The following R3HDM2 variants were observed in gnomAD, a reference collection of about 807,000 sequenced individuals.
R3HDM2 encodes R3H domain containing 2, also known as R3H domain-containing protein 2.
R3HDM2 carries 38 observed loss-of-function variants against 124.5 expected under a neutral mutation model. That is an observed-to-expected ratio of 0.31 (90% CI 0.24 to 0.40). R3HDM2 has a LOEUF of 0.40. R3HDM2 is among the 10% of genes least tolerant of loss of function. The probability of loss-of-function intolerance (pLI) is 1.00; values close to 1 mark genes in which losing one functional copy is unlikely to be tolerated. For synonymous variants in R3HDM2, 391 were observed against 448.0 expected (o/e 0.87, Z 1.61); for missense variants, 869 against 1,236.9 (o/e 0.70, Z 4.46).
intron 19 of R3HDM2, among the ~76,000 whole-genome samples, chr12:57,263,277 G>A (rs952871866): frequency 2.0e-5 from 3 of 152,080 alleles, no homozygotes; most frequent in Non-Finnish European, 4.4e-5. Flanking sequence ...AAAATGCCCC[G>A]CAGTACCCAG....
chr12:57,422,498 C>T (rs2070312154), intron 1 of R3HDM2, among the ~76,000 whole-genome samples: 1 of 152,158 alleles, frequency 6.6e-6, no homozygotes, highest in Admixed American at 6.6e-5. Context: ...AACTTTCTTC[C>T]CCATACTTCA....
chr12:57,270,081 C>T (rs2043249139), intron 14 of R3HDM2, 87 bp from the exon 15 acceptor site: 3 of 1,482,144 alleles, frequency 2.0e-6, no homozygotes, highest in African/African-American at 1.4e-5. Context: ...AATAGCAATG[C>T]TTTTTACAAC....
chr12:57,375,951 C>A (rs915540726), intron 2 of R3HDM2, among the ~76,000 whole-genome samples: 1 of 152,050 alleles, frequency 6.6e-6, no homozygotes, highest in Admixed American at 6.6e-5. Context: ...GGATTACAGG[C>A]GTGAGCCACC....
intron 13 of R3HDM2, among the ~76,000 whole-genome samples, chr12:57,282,064 C>T (rs1469221265): frequency 1.3e-5 from 2 of 151,926 alleles, no homozygotes. Context: ...AATCCCAGCA[C>T]TTTGGGAGGC....
intron 3 of R3HDM2, chr12:57,304,465 C>A (rs570767240): frequency 2.1e-6 from 2 of 966,624 alleles, no homozygotes; most frequent in South Asian, 9.6e-5. Context: ...AAGTCAGAGA[C>A]AGAGTACCAG....
chr12:57,427,355 CTT>C (rs147527242), intron 1 of R3HDM2, among the ~76,000 whole-genome samples: 53 of 140,052 alleles, frequency 3.8e-4, no homozygotes, highest in Admixed American at 2.9e-4. Context: ...TCTCCTGAAG[CTT>C]TTTTTTTTTT....
intron 1 of R3HDM2, chr12:57,430,466 G>A (rs1869543864): frequency 1.1e-6 from 1 of 947,790 alleles, no homozygotes; most frequent in South Asian, 4.9e-5. Context: ...CCCCGCAAAG[G>A]CCACAGGTGG....
chr12:57,256,385 G>T, intron 22 of R3HDM2, 29 bp downstream of exon 22: 1 of 1,489,598 alleles, frequency 6.7e-7, no homozygotes, highest in Non-Finnish European at 9.1e-7. Flanking sequence ...GGGTCTGATG[G>T]CCCTACAGTT....
intron 6 of R3HDM2, 92 bp from the exon 7 acceptor site, chr12:57,298,260 A>G (rs2050324455): frequency 1.0e-6 from 1 of 1,002,764 alleles, no homozygotes; most frequent in African/African-American, 1.7e-5. Flanking sequence ...TAACCAGGAG[A>G]AAAAAGAATA....
intron 2 of R3HDM2, among the ~76,000 whole-genome samples, chr12:57,333,496 C>T (rs533848653): frequency 6.6e-6 from 1 of 152,006 alleles, no homozygotes; most frequent in East Asian, 1.9e-4. Context: ...TTGAGACCAG[C>T]CTGGCCAACA....
chr12:57,391,769 A>T (rs2066717172), intron 2 of R3HDM2, among the ~76,000 whole-genome samples: 1 of 152,236 alleles, frequency 6.6e-6, no homozygotes. Flanking sequence ...CACAATGAAA[A>T]GTTAAAATAA....
intron 2 of R3HDM2, among the ~76,000 whole-genome samples, chr12:57,379,830 A>ATT (rs983390522): frequency 3.3e-4 from 50 of 152,202 alleles, no homozygotes; most frequent in Non-Finnish European, 5.6e-4. Flanking sequence ...CAGAAAATAA[A>ATT]TTATATATAT....
intron 1 of R3HDM2, among the ~76,000 whole-genome samples, chr12:57,420,862 A>C (rs1173622593): frequency 6.6e-6 from 1 of 152,096 alleles, no homozygotes; most frequent in Non-Finnish European, 1.5e-5. Context: ...ATCTCTCTCC[A>C]GTCCCAACTT....
At chr12:57,379,239 A>G (rs895980290) in intron 2 of R3HDM2, among the ~76,000 whole-genome samples, 2 of 152,188 alleles carry the variant, frequency 1.3e-5, no homozygotes, top group South Asian at 2.1e-4. Flanking sequence ...ATTTTATGTT[A>G]TGGTTAAGAT....
At chr12:57,410,891 T>C (rs1030878899) in intron 1 of R3HDM2, among the ~76,000 whole-genome samples, 1 of 152,070 alleles carries the variant, frequency 6.6e-6, no homozygotes, top group Non-Finnish European at 1.5e-5. Context: ...AAAGTATAAT[T>C]TGGAGAGACA....
At chr12:57,328,175 G>A (rs536964506) in intron 2 of R3HDM2, among the ~76,000 whole-genome samples, 97 of 151,572 alleles carry the variant, frequency 6.4e-4, no homozygotes, top group Non-Finnish European at 1.3e-3. Context: ...AGGCTCAGGC[G>A]ATCCTCCCGC....
At position 57,295,486 on chromosome 12, in the gene R3HDM2, T is replaced by C; in HGVS notation, c.723A>G (p.Glu241=). 1 of 1,551,428 alleles carries C rather than the reference T, an allele frequency of 6.4e-7. No individual in the cohort carries two copies. The highest frequency in any genetic ancestry group is 8.7e-7 in the Non-Finnish European group (1 of 1,146,726). The stretch of plus-strand genomic sequence containing the variant: ...CTGTATTCTTCTCATCCTTTATATG[T>C]TCTGAGAACCTCTGTTCAGGGCTGA... The part of the protein sequence containing the change: ...NTRIPEQRFS[E]HIKDEKNTEF... The change falls in exon 10 of 24, where the codon GAA becomes GAG. Residue 241 remains glutamate (E), a synonymous_variant. Coordinates refer to ENST00000402412, the MANE Select transcript of R3HDM2 (RefSeq NM_001394031.1).
chr12:57,258,921 C>T lies in R3HDM2; in HGVS notation c.2270G>A (p.Gly757Glu). Residue 757 changes from glycine (G) to glutamate (E), a missense_variant, in exon 20 of 24, where the codon GGA becomes GAA. Around this residue, in one of 2 missense-constraint regions of R3HDM2, gnomAD observed 602 missense variants for 789.2 expected, o/e 0.76. Coordinates refer to ENST00000402412, the MANE Select transcript of R3HDM2 (RefSeq NM_001394031.1). ...GCTGCTGTCAGGACTGTACAGGTCT[C>T]CAGGCTTCTGCCCCCGCTGGTCCAT... ...YSMDQRGQKPGDLYSPDSSPQ... is the reference protein window; with the variant it reads ...YSMDQRGQKPEDLYSPDSSPQ... 6.2e-7 allele frequency: 1 copy of T among 1,610,650 alleles called. No homozygotes were observed. The highest frequency in any genetic ancestry group is 2.2e-5 in the East Asian group (1 of 44,782).
At chr12:57,299,612 T>C (rs1012732784) in intron 5 of R3HDM2, 134 bp from the exon 6 acceptor site, 3 of 982,876 alleles carry the variant, frequency 3.1e-6, no homozygotes, top group Non-Finnish European at 4.4e-6. Context: ...CTAATTAAAC[T>C]GTTTTAGTTT....
Sources: allele counts gnomAD v4.1 joint callset (sites outside exome capture counted in the v4.1 genomes callset), GRCh38; gene constraint gnomAD v4.1.1; regional missense constraint gnomAD v4.1.1; transcripts MANE v1.5; gene names NCBI Gene and HGNC (gene_info 2026-07-23, HGNC 2026-07-21).